AGBL4: variants seen among roughly 807,000 people sequenced by gnomAD.
AGBL4 encodes cytosolic carboxypeptidase 6.
AGBL4 carries 58 observed loss-of-function variants against 66.4 expected under a neutral mutation model. The observed-to-expected ratio is 0.87, with a 90% CI of 0.71 to 1.09. AGBL4 has a LOEUF of 1.09. AGBL4 is among the 50% of genes least tolerant of loss of function. The pLI is 0.00. For synonymous variants in AGBL4, 234 were observed against 222.9 expected (o/e 1.05, Z -0.44); for missense variants, 579 against 631.0 (o/e 0.92, Z 0.88).
At chr1:48,947,509 G>A (rs948692196) in intron 5 of AGBL4, among the ~76,000 whole-genome samples, 1 of 152,158 alleles carries the variant, frequency 6.6e-6, no homozygotes, top group African/African-American at 2.4e-5. Flanking sequence ...AATCTACAAT[G>A]CCTCTGAGGC....
chr1:49,969,438 A>G (rs559569244), intron 1 of AGBL4, among the ~76,000 whole-genome samples: 2 of 152,250 alleles, frequency 1.3e-5, no homozygotes, highest in South Asian at 2.1e-4. Context: ...ATTATTAACT[A>G]TAGACACCAT....
chr1:49,690,320 G>C (rs1331351932), intron 3 of AGBL4, among the ~76,000 whole-genome samples: 1 of 152,082 alleles, frequency 6.6e-6, no homozygotes, highest in African/African-American at 2.4e-5. Flanking sequence ...CAATATCTCT[G>C]AAGTATGCCT....
chr1:49,442,173 C>T (rs1646048967), intron 3 of AGBL4, among the ~76,000 whole-genome samples: 1 of 152,092 alleles, frequency 6.6e-6, no homozygotes, highest in Middle Eastern at 3.4e-3. Context: ...GTAAGCTGGG[C>T]CTGAGAGAGA....
intron 3 of AGBL4, among the ~76,000 whole-genome samples, chr1:49,565,324 G>C (rs1644166882): frequency 6.6e-6 from 1 of 152,168 alleles, no homozygotes; most frequent in Non-Finnish European, 1.5e-5. Context: ...GAATTGTTAT[G>C]TGTGAATTTG....
At chr1:49,846,557 G>A (rs1242583607) in intron 2 of AGBL4, among the ~76,000 whole-genome samples, 1 of 152,168 alleles carries the variant, frequency 6.6e-6, no homozygotes. Context: ...CTGAAGGAAA[G>A]AAGTATCTCA....
At chr1:49,107,135 TA>T (rs1319588206) in intron 4 of AGBL4, among the ~76,000 whole-genome samples, 3 of 152,168 alleles carry the variant, frequency 2.0e-5, no homozygotes, top group African/African-American at 7.2e-5. Flanking sequence ...GTCTTCAATT[TA>T]TGATGAATCG....
intron 6 of AGBL4, among the ~76,000 whole-genome samples, chr1:48,698,502 C>T (rs989494323): frequency 2.0e-5 from 3 of 152,230 alleles, no homozygotes; most frequent in African/African-American, 4.8e-5. Context: ...GCCTTTTGTC[C>T]TCATCCTGAG....
chr1:49,362,987 CA>C (rs1644172513), intron 3 of AGBL4, among the ~76,000 whole-genome samples: 1 of 152,088 alleles, frequency 6.6e-6, no homozygotes, highest in African/African-American at 2.4e-5. Context: ...TCTAGACATC[CA>C]GCAGCTGCAT....
rs1336201813 is a variant in AGBL4 at position 48,590,929 on chromosome 1, GC to G, written c.1007del (p.Gly336AlafsTer43). On this transcript the variant is annotated frameshift_variant, in exon 10 of 14. Coordinates refer to ENST00000371839, the MANE Select transcript of AGBL4 (RefSeq NM_032785.4). LOFTEE classifies it high-confidence loss of function. ...CCTCAAAGATGTTGCCATACATGAA[GC>G]CATTCATCATGGTGGAGTGGGCATG... is the stretch of plus-strand genomic sequence containing the variant. ...DIHAHSTMMN[G>X]FMYGNIFEDE... The G allele has an allele frequency of 1.9e-6, 3 of 1,610,782 alleles. No homozygotes were observed. The highest frequency in any genetic ancestry group is 2.5e-6 in the Non-Finnish European group (3 of 1,178,730).
chr1:49,686,280 C>A (rs1646785889), intron 3 of AGBL4, among the ~76,000 whole-genome samples: 1 of 152,162 alleles, frequency 6.6e-6, no homozygotes, highest in Non-Finnish European at 1.5e-5. Context: ...CTTTTGCCAG[C>A]ACCCTCCATG....
intron 1 of AGBL4, among the ~76,000 whole-genome samples, chr1:49,912,482 T>C (rs530726402): frequency 3.3e-5 from 5 of 152,262 alleles, no homozygotes; most frequent in Non-Finnish European, 5.9e-5. Flanking sequence ...CAAAGTGTTT[T>C]ATAAATTTAG....
At position 49,866,983 on chromosome 1, in the gene AGBL4, G is replaced by A. The variant is rs190982544; in HGVS notation, c.35-15465C>T. 1.4e-4 allele frequency among the ~76,000 whole-genome samples: 21 copies of A among 152,104 alleles called. No homozygotes were observed. In the East Asian group the frequency reaches 2.7e-3, roughly 20 times the overall value. The stretch of plus-strand genomic sequence containing the variant: ...TTTTAATCTCGTCCTTTCTGTTTAC[G>A]TGAGGGTCTGACTGGCTTTAATGTT... On this transcript the variant is annotated intron_variant, in intron 1 of 13. Coordinates refer to ENST00000371839, the MANE Select transcript of AGBL4 (RefSeq NM_032785.4).
chr1:49,215,160 C>A (rs1288604310), intron 4 of AGBL4, among the ~76,000 whole-genome samples: 1 of 152,092 alleles, frequency 6.6e-6, no homozygotes, highest in Non-Finnish European at 1.5e-5. Context: ...CAAATCCTAA[C>A]TAGACAGACA....
At chr1:49,207,586 CT>C (rs1553166450) in intron 4 of AGBL4, among the ~76,000 whole-genome samples, 1 of 105,716 alleles carries the variant, frequency 9.5e-6, no homozygotes, top group African/African-American at 3.8e-5. Context: ...TTCTTTCTTT[CT>C]TTCTTTCTTT....
At chr1:49,944,402 A>G (rs1472146224) in intron 1 of AGBL4, among the ~76,000 whole-genome samples, 1 of 152,118 alleles carries the variant, frequency 6.6e-6, no homozygotes, top group African/African-American at 2.4e-5. Flanking sequence ...CCCCAGTAAC[A>G]GCCCAAAGCC....
At chr1:48,773,027 C>T (rs568383188) in intron 6 of AGBL4, among the ~76,000 whole-genome samples, 1 of 152,186 alleles carries the variant, frequency 6.6e-6, no homozygotes, top group African/African-American at 2.4e-5. Flanking sequence ...CGCCTGCCAC[C>T]CCTGGGTCGT....
intron 6 of AGBL4, among the ~76,000 whole-genome samples, chr1:48,775,985 G>C (rs144184270): frequency 1.3e-5 from 2 of 152,346 alleles, no homozygotes; most frequent in Non-Finnish European, 2.9e-5. Context: ...TGGCCAGGGA[G>C]GGGCAGGAGA....
intron 3 of AGBL4, among the ~76,000 whole-genome samples, chr1:49,517,400 A>C (rs1438828480): frequency 1.3e-5 from 2 of 151,830 alleles, no homozygotes; most frequent in Non-Finnish European, 2.9e-5. Context: ...TAATATATAA[A>C]AGAAGAATTT....
intron 6 of AGBL4, among the ~76,000 whole-genome samples, chr1:48,773,221 A>C (rs1644920636): frequency 6.6e-6 from 1 of 152,162 alleles, no homozygotes; most frequent in South Asian, 2.1e-4. Context: ...TTAGGGCTCT[A>C]GGCACAGAGA....
Sources: gnomAD v4.1 joint callset for allele counts (sites outside exome capture counted in the v4.1 genomes callset) on GRCh38, gnomAD v4.1.1 for gene constraint, MANE v1.5 for transcripts, NCBI Gene and HGNC (gene_info 2026-07-23, HGNC 2026-07-21) for gene names.